Variants in GRID1 observed in about 807,000 individuals in gnomAD.
GRID1 encodes the protein glutamate ionotropic receptor delta type subunit 1, also known as glutamate receptor ionotropic, delta-1.
Under a neutral mutation model 98.0 loss-of-function variants are expected in GRID1, and 28 were observed. The observed-to-expected ratio is 0.29, with a 90% CI of 0.21 to 0.39. The LOEUF (loss-of-function observed/expected upper bound fraction) is 0.39. GRID1 is among the 10% of genes least tolerant of loss of function. GRID1 has a pLI of 1.00. For missense variants in GRID1, 1,111 were observed against 1,340.5 expected (o/e 0.83, Z 2.67); for synonymous variants, 553 against 538.5 (o/e 1.03, Z -0.37).
At chr10:86,193,680 G>T (rs1219029427) in intron 3 of GRID1, among the ~76,000 whole-genome samples, 1 of 151,864 alleles carries the variant, frequency 6.6e-6, no homozygotes, top group Non-Finnish European at 1.5e-5. Context: ...CCATTCCTGG[G>T]ACCCCTCAGC....
intron 8 of GRID1, among the ~76,000 whole-genome samples, chr10:85,848,812 T>TG (rs1363965035): frequency 1.2e-4 from 18 of 152,240 alleles, no homozygotes; most frequent in African/African-American, 4.3e-4. Context: ...CAGCAGTGTT[T>TG]GTTTCAGTTC....
intron 6 of GRID1, among the ~76,000 whole-genome samples, chr10:85,868,299 G>T (rs1465032901): frequency 6.6e-6 from 1 of 152,092 alleles, no homozygotes; most frequent in Admixed American, 6.6e-5. Flanking sequence ...GGCTGCCAGT[G>T]GGTACTCTCC....
At chr10:85,606,863 T>C (rs1359617053) in intron 15 of GRID1, 1 of 152,372 alleles carries the variant, frequency 6.6e-6, no homozygotes, top group East Asian at 1.9e-4. Flanking sequence ...GGCTTTTTTA[T>C]GTGAACTACA....
chr10:86,272,304 A>G (rs987240887), intron 2 of GRID1, among the ~76,000 whole-genome samples: 1 of 152,236 alleles, frequency 6.6e-6, no homozygotes, highest in Admixed American at 6.5e-5. Flanking sequence ...CAACTTTGTC[A>G]AAACTCTGGA....
At chr10:86,320,105 A>T (rs1165043913) in intron 2 of GRID1, among the ~76,000 whole-genome samples, 5 of 152,244 alleles carry the variant, frequency 3.3e-5, no homozygotes, top group African/African-American at 1.2e-4. Context: ...GCGAAAACTC[A>T]ATTTATAGAT....
intron 2 of GRID1, among the ~76,000 whole-genome samples, chr10:86,321,769 A>C (rs969902421): frequency 4.6e-5 from 7 of 152,144 alleles, no homozygotes; most frequent in Non-Finnish European, 2.9e-5. Flanking sequence ...GAGTGGCAAC[A>C]ACACACAGGA....
At chr10:86,172,327 C>A (rs1022494573) in intron 3 of GRID1, among the ~76,000 whole-genome samples, 1 of 152,206 alleles carries the variant, frequency 6.6e-6, no homozygotes, top group Non-Finnish European at 1.5e-5. Context: ...TAGCACTCAT[C>A]AGTACTTCAT....
intron 3 of GRID1, among the ~76,000 whole-genome samples, chr10:86,199,825 A>C (rs547901738): frequency 6.6e-6 from 1 of 152,130 alleles, no homozygotes; most frequent in East Asian, 1.9e-4. Flanking sequence ...GCAGAGAATG[A>C]CTTCAGACAG....
chr10:85,978,820 T>C (rs1842507120), intron 4 of GRID1, among the ~76,000 whole-genome samples: 2 of 152,226 alleles, frequency 1.3e-5, no homozygotes, highest in Non-Finnish European at 2.9e-5. Context: ...GGATGCAACC[T>C]GCTCAGCTGC....
intron 2 of GRID1, among the ~76,000 whole-genome samples, chr10:86,360,649 G>T (rs1848588182): frequency 6.6e-6 from 1 of 152,208 alleles, no homozygotes; most frequent in South Asian, 2.1e-4. Flanking sequence ...TTGGGTCAAG[G>T]AACGGAAAGG....
chr10:85,888,858 T>C (rs890666390), intron 5 of GRID1, among the ~76,000 whole-genome samples: 6 of 152,178 alleles, frequency 3.9e-5, no homozygotes, highest in Non-Finnish European at 5.9e-5. Context: ...AAATTCTACC[T>C]AGCAAATTCT....
At chr10:86,353,242 G>C (rs913669361) in intron 2 of GRID1, among the ~76,000 whole-genome samples, 1 of 152,208 alleles carries the variant, frequency 6.6e-6, no homozygotes, top group Non-Finnish European at 1.5e-5. Flanking sequence ...CCAGTCTCCT[G>C]TGGGTGCTGG....
chr10:86,312,142 A>G (rs1157228402), intron 2 of GRID1, among the ~76,000 whole-genome samples: 1 of 152,220 alleles, frequency 6.6e-6, no homozygotes, highest in Admixed American at 6.5e-5. Flanking sequence ...GTGAAGTTAA[A>G]TGTGGGTGAA....
intron 3 of GRID1, among the ~76,000 whole-genome samples, chr10:86,144,019 C>T (rs528210473): frequency 6.6e-6 from 1 of 152,206 alleles, no homozygotes; most frequent in Non-Finnish European, 1.5e-5. Flanking sequence ...CCACCCGTTC[C>T]TTCTTCCCCT....
chr10:85,769,465 C>G (rs11201781), intron 8 of GRID1, among the ~76,000 whole-genome samples: 2 of 152,154 alleles, frequency 1.3e-5, no homozygotes, highest in African/African-American at 4.8e-5. Flanking sequence ...GAGTGCCAGA[C>G]AGTGGGTGCA....
chr10:86,010,419 C>T (rs1013701501), intron 4 of GRID1, among the ~76,000 whole-genome samples: 6 of 152,040 alleles, frequency 3.9e-5, no homozygotes, highest in African/African-American at 1.2e-4. Flanking sequence ...CAAATCAAAG[C>T]GAGGGCTATG....
At chr10:86,227,342 G>T (rs72841776) in intron 2 of GRID1, among the ~76,000 whole-genome samples, 43,125 of 151,990 alleles carry the variant, frequency 0.28, 6,939 homozygotes, top group Non-Finnish European at 0.38. Flanking sequence ...GGGTGGTGGA[G>T]AGCTCATAGT....
intron 4 of GRID1, among the ~76,000 whole-genome samples, chr10:85,993,565 G>C (rs1842706696): frequency 6.6e-6 from 1 of 152,142 alleles, no homozygotes; most frequent in Non-Finnish European, 1.5e-5. Context: ...CTGCAAAGGA[G>C]CTACTACTGC....
At chr10:85,763,836 G>A (rs1291613860) in intron 8 of GRID1, among the ~76,000 whole-genome samples, 1 of 152,124 alleles carries the variant, frequency 6.6e-6, no homozygotes, top group Non-Finnish European at 1.5e-5. Context: ...CACATAAACA[G>A]TATTATCTTT....
Sources: allele counts gnomAD v4.1 joint callset (sites outside exome capture counted in the v4.1 genomes callset), GRCh38; gene constraint gnomAD v4.1.1; transcripts MANE v1.5; gene names NCBI Gene and HGNC (gene_info 2026-07-23, HGNC 2026-07-21).